PALMD: variants seen among roughly 807,000 people sequenced by gnomAD.
PALMD encodes the protein paralemmin-like protein.
A neutral mutation model predicts 56.2 loss-of-function variants in PALMD; 42 were observed. The ratio of observed to expected loss-of-function variants is 0.75; its 90% CI spans 0.58 to 0.97. PALMD has a LOEUF of 0.97. Ranked by LOEUF, PALMD falls within the 50% of genes least tolerant of loss-of-function variation. PALMD has a pLI of 0.00. For missense variants in PALMD, 660 were observed against 643.8 expected (o/e 1.03, Z -0.27); for synonymous variants, 242 against 222.9 (o/e 1.09, Z -0.76).
intron 3 of PALMD, among the ~76,000 whole-genome samples, chr1:99,680,764 CCACACATAAA>C (rs1653322631): frequency 6.6e-6 from 1 of 151,716 alleles, no homozygotes; most frequent in South Asian, 2.1e-4. Context: ...GTATATACAC[CCACACATAAA>C]CACACATACA....
At chr1:99,649,491 C>T (rs1025536279) in intron 1 of PALMD, among the ~76,000 whole-genome samples, 7 of 152,058 alleles carry the variant, frequency 4.6e-5, no homozygotes, top group Non-Finnish European at 8.8e-5. Flanking sequence ...GATGAAGAAG[C>T]GTGAGATGAA....
At chr1:99,686,185 G>C (rs996639460) in intron 3 of PALMD, 2 of 152,128 alleles carry the variant, frequency 1.3e-5, no homozygotes, top group Non-Finnish European at 2.9e-5. Context: ...TTCAATGGTA[G>C]AATATGCAAG....
chr1:99,693,538 A>G (rs374936917), intron 7 of PALMD, among the ~76,000 whole-genome samples: 5 of 152,298 alleles, frequency 3.3e-5, no homozygotes, highest in South Asian at 2.1e-4. Context: ...TTTCATTCGT[A>G]AAGAAATTTG....
chr1:99,667,670 T>C lies in PALMD; in HGVS notation c.155T>C (p.Leu52Pro). The change falls in exon 3 of 8, where the codon CTA becomes CCA. Residue 52 changes from leucine (L) to proline (P), a missense_variant. By Grantham distance (98) the Leu-to-Pro change is moderately conservative. Transcript: ENST00000263174. The stretch of plus-strand genomic sequence containing the variant: ...AAGGCCTTGAGGGAGAAATGGCTTC[T>C]AGATGGAATCAGCAGCGGAAAAGAA... Reference protein sequence around the residue: ...KKKALREKWLLDGISSGKEQE... With the variant: ...KKKALREKWLPDGISSGKEQE... 1 of 1,613,268 alleles carries C rather than the reference T, an allele frequency of 6.2e-7. No individual in the cohort carries two copies. The highest frequency in any genetic ancestry group is 8.5e-7 in the Non-Finnish European group (1 of 1,179,318).
At chr1:99,662,724 G>A (rs377508916) in intron 2 of PALMD, among the ~76,000 whole-genome samples, 6 of 152,298 alleles carry the variant, frequency 3.9e-5, no homozygotes, top group South Asian at 2.1e-4. Flanking sequence ...TCCCTAGGGA[G>A]TGGATCCAGC....
In PALMD at chr1:99,689,850, G is replaced by T. The variant is rs752962664; in HGVS notation, c.1590G>T (p.Gly530=). The T allele has an allele frequency of 6.2e-7, 1 of 1,609,650 alleles. No individual in the cohort carries two copies. Among genetic ancestry groups the T allele is most frequent in the Non-Finnish European group, 8.5e-7 (1 of 1,179,080 alleles). Reference sequence around the variant, plus strand: ...TTGATGCTCAGACAACTGGAGATGGGACTGAGGATCCATCCTTAACAGGTA... The same window carrying T: ...TTGATGCTCAGACAACTGGAGATGGTACTGAGGATCCATCCTTAACAGGTA... ...SPFDAQTTGD[G]TEDPSLTALR... The change falls in exon 7 of 8, where the codon GGG becomes GGT. Residue 530 remains glycine, a synonymous_variant. Transcript: ENST00000263174.
chr1:99,671,882 G>A (rs991609328), intron 3 of PALMD, among the ~76,000 whole-genome samples: 1 of 152,102 alleles, frequency 6.6e-6, no homozygotes, highest in Admixed American at 6.5e-5. Flanking sequence ...AAAACGTAAA[G>A]AGCCAGGATT....
rs947351582 is a variant in PALMD at position 99,662,469 on chromosome 1, T to C, written c.126+70T>C. ...AATTCTATTGGTACTCAAATTTCAA[T>C]AGTAAAAAAGCTTTAGGAAAGAAAA... On this transcript the variant is annotated intron_variant, in intron 2 of 7. Coordinates refer to ENST00000263174, the MANE Select transcript of PALMD (RefSeq NM_017734.5). The C allele has an allele frequency of 4.3e-6, 4 of 936,562 alleles. No individual in the cohort carries two copies. The African/African-American group carries it at 6.7e-5, about 16-fold the overall frequency. The allele number at this position is 936,562 out of a possible 1,614,324, so 58.0% of individuals were successfully genotyped here.
At chr1:99,693,549 T>C (rs562090240) in intron 7 of PALMD, among the ~76,000 whole-genome samples, 8 of 152,314 alleles carry the variant, frequency 5.3e-5, no homozygotes, top group African/African-American at 1.7e-4. Flanking sequence ...AAGAAATTTG[T>C]TTTTGTTATT....
At chr1:99,686,627 C>T (rs7546477) in intron 3 of PALMD, 49 bp from the exon 4 acceptor site, 35,808 of 900,082 alleles carry the variant, frequency 0.04, 1,849 homozygotes, top group African/African-American at 0.22. Context: ...TTGAGAACTC[C>T]GCATTTGTAC....
intron 2 of PALMD, among the ~76,000 whole-genome samples, chr1:99,663,867 A>T (rs1652907540): frequency 6.6e-6 from 1 of 152,214 alleles, no homozygotes; most frequent in Non-Finnish European, 1.5e-5. Flanking sequence ...TGCCAAAAAC[A>T]GTCTGGAAAG....
intron 3 of PALMD, among the ~76,000 whole-genome samples, chr1:99,679,884 A>G (rs966008390): frequency 3.3e-5 from 5 of 152,176 alleles, no homozygotes; most frequent in African/African-American, 1.2e-4. Context: ...ATTGGAACTA[A>G]CAACAGTGCT....
At chr1:99,685,059 CAGT>C (rs2100873826) in intron 3 of PALMD, 1 of 152,318 alleles carries the variant, frequency 6.6e-6, no homozygotes, top group South Asian at 2.1e-4. Flanking sequence ...GAAAGACATA[CAGT>C]ATGTTGCAGA....
rs1052512889 is a variant in PALMD at position 99,689,169 on chromosome 1, C to A, written c.909C>A (p.His303Gln). 4 of 1,613,286 alleles carry A rather than the reference C, an allele frequency of 2.5e-6. No homozygotes were observed. In the African/African-American group the frequency reaches 5.3e-5, roughly 22 times the overall value. The change falls in exon 7 of 8, where the codon CAC becomes CAA. Residue 303 changes from histidine to glutamine, a missense_variant. By Grantham distance (24) the His-to-Gln change is conservative. Coordinates refer to ENST00000263174, the MANE Select transcript of PALMD (RefSeq NM_017734.5). ...GLGIGVNESI[H>Q]NMGNGLSEER... ...GTATTGGTGTAAATGAATCCATACA[C>A]AATATGGGCAATGGTCTTTCAGAGG...
chr1:99,647,765 A>C (rs941474016), intron 1 of PALMD, among the ~76,000 whole-genome samples: 13 of 152,148 alleles, frequency 8.5e-5, no homozygotes, highest in Non-Finnish European at 1.5e-4. Context: ...CACTATTTCT[A>C]ATGCTTATAT....
At chr1:99,680,851 C>CAT (rs141553969) in intron 3 of PALMD, among the ~76,000 whole-genome samples, 4,221 of 150,384 alleles carry the variant, frequency 0.028, 98 homozygotes, top group South Asian at 0.085. Flanking sequence ...TATATATATG[C>CAT]ATATATATAT....
chr1:99,675,839 ACT>A (rs1653187516), intron 3 of PALMD, among the ~76,000 whole-genome samples: 2 of 152,102 alleles, frequency 1.3e-5, no homozygotes, highest in Admixed American at 1.3e-4. Flanking sequence ...CTACTAAATC[ACT>A]CTCTTCTAAC....
At chr1:99,653,347 T>C (rs1652639458) in intron 1 of PALMD, among the ~76,000 whole-genome samples, 1 of 152,168 alleles carries the variant, frequency 6.6e-6, no homozygotes, top group Non-Finnish European at 1.5e-5. Context: ...GTGTTTGTTG[T>C]TTAGCCTGGT....
Position 99,659,710 on chromosome 1 carries a change from A to G in PALMD, c.46-2609A>G, listed in dbSNP as rs532531104. The stretch of plus-strand genomic sequence containing the variant: ...TTTTTCATTAATGCTAACAGAGTTC[A>G]ATGAAATTTGGCAAAGGAACAATAA... On this transcript the variant is annotated intron_variant, in intron 1 of 7. Coordinates refer to ENST00000263174, the MANE Select transcript of PALMD (RefSeq NM_017734.5). Among the ~76,000 whole-genome samples the G allele has an allele frequency of 1.6e-3, 243 of 152,368 alleles. 1 individual carries two copies. The highest frequency in any genetic ancestry group is 5.6e-3 in the African/African-American group (231 of 41,588).
Sources: gnomAD v4.1 joint callset for allele counts (sites outside exome capture counted in the v4.1 genomes callset) on GRCh38, gnomAD v4.1.1 for gene constraint, MANE v1.5 for transcripts, NCBI Gene and HGNC (gene_info 2026-07-23, HGNC 2026-07-21) for gene names.